GPD2: variants seen among roughly 807,000 people sequenced by gnomAD.
GPD2 encodes glycerol-3-phosphate dehydrogenase 2, also known as glycerol-3-phosphate dehydrogenase, mitochondrial.
A neutral mutation model predicts 82.4 loss-of-function variants in GPD2; 54 were observed. The ratio of observed to expected loss-of-function variants is 0.66; its 90% confidence interval spans 0.53 to 0.82. The LOEUF is 0.82. Among genes scored for constraint, GPD2 ranks in the 40% least tolerant of loss-of-function variants. The pLI is 0.00. For missense variants in GPD2, 748 were observed against 896.2 expected (o/e 0.83, Z 2.11); for synonymous variants, 288 against 306.1 (o/e 0.94, Z 0.62).
intron 6 of GPD2, among the ~76,000 whole-genome samples, chr2:156,545,640 C>G (rs1686500315): frequency 6.6e-6 from 1 of 152,022 alleles, no homozygotes; most frequent in African/African-American, 2.4e-5. Flanking sequence ...TAAAAGTATG[C>G]TATATTGAAA....
intron 12 of GPD2, among the ~76,000 whole-genome samples, chr2:156,570,815 ATG>A (rs766906477): frequency 6.6e-6 from 1 of 152,176 alleles, no homozygotes; most frequent in Non-Finnish European, 1.5e-5. Context: ...AATCCACATT[ATG>A]TATAAGCATA....
intron 2 of GPD2, among the ~76,000 whole-genome samples, chr2:156,479,686 A>G (rs1185492819): frequency 6.6e-6 from 1 of 152,120 alleles, no homozygotes; most frequent in Non-Finnish European, 1.5e-5. Context: ...AGGTTGGCTG[A>G]CTTCTTTTGC....
intron 11 of GPD2, 122 bp downstream of exon 11, chr2:156,569,660 A>G (rs570440467): frequency 8.6e-5 from 69 of 804,088 alleles, no homozygotes; most frequent in Non-Finnish European, 1.4e-4. Context: ...CATTTCTGCC[A>G]GTCTGTTATG....
chr2:156,436,266 T>A (rs1221666122), upstream of GPD2: 1 of 152,362 alleles, frequency 6.6e-6, no homozygotes, highest in Non-Finnish European at 1.5e-5. Flanking sequence ...CTCGCCGCCC[T>A]GGTCAGGCCT....
At chr2:156,534,566 A>G (rs1406829110) in intron 6 of GPD2, among the ~76,000 whole-genome samples, 2 of 152,188 alleles carry the variant, frequency 1.3e-5, no homozygotes, top group African/African-American at 2.4e-5. Context: ...CTATTCTTCA[A>G]TATTAGATTT....
At chr2:156,555,903 T>C (rs1275212496) in intron 8 of GPD2, among the ~76,000 whole-genome samples, 2 of 152,188 alleles carry the variant, frequency 1.3e-5, no homozygotes, top group Non-Finnish European at 2.9e-5. Context: ...CTCTCTCCGA[T>C]GTGTCTCAGA....
intron 1 of GPD2, among the ~76,000 whole-genome samples, chr2:156,464,932 C>T (rs572460554): frequency 6.6e-6 from 1 of 152,052 alleles, no homozygotes; most frequent in Admixed American, 6.5e-5. Flanking sequence ...CTCACTAAAG[C>T]CTCCACCTCC....
intron 3 of GPD2, among the ~76,000 whole-genome samples, chr2:156,509,350 A>G (rs1684899935): frequency 6.6e-6 from 1 of 152,224 alleles, no homozygotes; most frequent in Non-Finnish European, 1.5e-5. Context: ...AAAAGTTATA[A>G]AAACGACCCT....
chr2:156,566,767 G>A (rs1300692406), intron 9 of GPD2, among the ~76,000 whole-genome samples: 1 of 152,068 alleles, frequency 6.6e-6, no homozygotes, highest in African/African-American at 2.4e-5. Context: ...TTTAATTTTT[G>A]AGGAATCGCC....
chr2:156,541,542 G>A (rs1686311049), intron 6 of GPD2, among the ~76,000 whole-genome samples: 1 of 152,110 alleles, frequency 6.6e-6, no homozygotes, highest in Admixed American at 6.5e-5. Context: ...GCATCCTCAG[G>A]ACAGTTTCCT....
intron 6 of GPD2, among the ~76,000 whole-genome samples, chr2:156,523,194 A>G (rs958807051): frequency 2.6e-5 from 4 of 152,086 alleles, no homozygotes; most frequent in Non-Finnish European, 4.4e-5. Flanking sequence ...CCACTGCCAT[A>G]TCATACTGAA....
intron 1 of GPD2, among the ~76,000 whole-genome samples, chr2:156,442,175 A>G (rs1682198783): frequency 1.3e-5 from 2 of 152,200 alleles, no homozygotes; most frequent in Non-Finnish European, 2.9e-5. Flanking sequence ...CTGACAAGCT[A>G]TGACAGAGAG....
chr2:156,449,042 T>G (rs1222825783), intron 1 of GPD2, among the ~76,000 whole-genome samples: 1 of 152,244 alleles, frequency 6.6e-6, no homozygotes, highest in African/African-American at 2.4e-5. Flanking sequence ...TTCTCATCTG[T>G]ATCAAATCAC....
chr2:156,470,683 G>T (rs1051746784), intron 1 of GPD2, among the ~76,000 whole-genome samples: 2 of 152,176 alleles, frequency 1.3e-5, no homozygotes, highest in African/African-American at 4.8e-5. Context: ...ATGGGAGGAG[G>T]TAGAAGTGGT....
chr2:156,459,986 G>A (rs931600914), intron 1 of GPD2, among the ~76,000 whole-genome samples: 2 of 152,150 alleles, frequency 1.3e-5, no homozygotes, highest in Non-Finnish European at 1.5e-5. Flanking sequence ...TGAACCTGGC[G>A]TTTTGACAGG....
intron 15 of GPD2, 114 bp from the exon 16 acceptor site, chr2:156,579,576 C>A: frequency 1.5e-6 from 1 of 682,840 alleles, no homozygotes; most frequent in Non-Finnish European, 2.7e-6. Flanking sequence ...AACTAATCTG[C>A]CTGCCTTGGC....
intron 3 of GPD2, among the ~76,000 whole-genome samples, chr2:156,500,577 G>A (rs1359875926): frequency 3.3e-5 from 5 of 152,010 alleles, no homozygotes; most frequent in Non-Finnish European, 7.4e-5. Context: ...AAATTACTGT[G>A]ATCTTTTAAA....
In GPD2 at chr2:156,568,839, G is replaced by A. The variant is rs142982081; in HGVS notation, c.1180G>A (p.Val394Ile). ...SCDVEVRRGD[V>I]LAAWSGIRPL... is the part of the protein sequence containing the mutation. ...ATTCCTACCAGTGAGAAGAGGGGAT[G>A]TCCTGGCAGCATGGAGTGGAATCCG... The change falls in exon 10 of 17, where the codon GTC (valine) becomes ATC (isoleucine). Residue 394 changes from valine to isoleucine, a missense_variant. By Grantham distance (29) the Val-to-Ile change is conservative (BLOSUM62 3). This residue lies in a region of GPD2 where 692 missense variants were observed against 809.7 expected (regional missense o/e 0.85). Coordinates refer to ENST00000438166, the MANE Select transcript of GPD2 (RefSeq NM_000408.5). 36 of 1,612,636 alleles carry A rather than the reference G, an allele frequency of 2.2e-5. No homozygotes were observed. In the African/African-American group the frequency reaches 4.7e-4, roughly 21 times the overall value.
At chr2:156,479,505 G>A (rs944754138) in intron 2 of GPD2, among the ~76,000 whole-genome samples, 25 of 152,172 alleles carry the variant, frequency 1.6e-4, no homozygotes, top group African/African-American at 6.0e-4. Context: ...GTGAACTCTA[G>A]AGGTTTATTA....
Sources: gnomAD v4.1 joint callset for allele counts (sites outside exome capture counted in the v4.1 genomes callset) on GRCh38, gnomAD v4.1.1 for gene constraint, gnomAD v4.1.1 regional missense constraint, MANE v1.5 for transcripts, NCBI Gene and HGNC (gene_info 2026-07-23, HGNC 2026-07-21) for gene names.